NKAIN3: variants seen among roughly 807,000 people sequenced by gnomAD.
NKAIN3 encodes the protein sodium/potassium transporting ATPase interacting 3.
NKAIN3 carries 25 observed loss-of-function variants against 30.2 expected under a neutral mutation model. The observed-to-expected ratio is 0.83, with a 90% confidence interval of 0.60 to 1.16. The LOEUF (loss-of-function observed/expected upper bound fraction) is 1.16. Ranked by LOEUF, NKAIN3 falls within the 50% of genes most tolerant of loss-of-function variation. The pLI, the probability that NKAIN3 is intolerant of heterozygous loss-of-function variation, is 0.00. For synonymous variants in NKAIN3, 91 were observed against 89.6 expected (o/e 1.02, Z -0.09); for missense variants, 225 against 254.1 (o/e 0.89, Z 0.78).
intron 4 of NKAIN3, among the ~76,000 whole-genome samples, chr8:62,747,858 C>G (rs1816133415): frequency 6.6e-6 from 1 of 152,196 alleles, no homozygotes; most frequent in Admixed American, 6.5e-5. Context: ...TCAACCCACT[C>G]TTCACATAAA....
intron 1 of NKAIN3, among the ~76,000 whole-genome samples, chr8:62,514,171 A>G (rs1380966923): frequency 6.6e-6 from 1 of 152,142 alleles, no homozygotes; most frequent in East Asian, 1.9e-4. Flanking sequence ...TTGCAACTAA[A>G]GGCATTATGT....
intron 3 of NKAIN3, among the ~76,000 whole-genome samples, chr8:62,624,784 C>CT (rs776546497): frequency 0.026 from 3,551 of 136,502 alleles, 86 homozygotes; most frequent in African/African-American, 0.063. Context: ...GAACATTCTG[C>CT]TTTTTTTTTT....
At chr8:62,443,659 T>C (rs1009375077) in intron 1 of NKAIN3, among the ~76,000 whole-genome samples, 3 of 152,096 alleles carry the variant, frequency 2.0e-5, no homozygotes, top group Non-Finnish European at 2.9e-5. Flanking sequence ...CTGGGATTTA[T>C]TGGGGTGCGT....
At chr8:62,345,639 GTATATA>G (rs1329366618) in intron 1 of NKAIN3, among the ~76,000 whole-genome samples, 1 of 137,930 alleles carries the variant, frequency 7.3e-6, no homozygotes, top group Admixed American at 7.1e-5. Context: ...ACACATATAT[GTATATA>G]TACACATATA....
chr8:62,439,858 G>T (rs867004764), intron 1 of NKAIN3, among the ~76,000 whole-genome samples: 1 of 152,158 alleles, frequency 6.6e-6, no homozygotes, highest in Non-Finnish European at 1.5e-5. Flanking sequence ...TTGGGAAAGT[G>T]TTGTACTTTA....
At chr8:62,317,564 T>C (rs1254422084) in intron 1 of NKAIN3, among the ~76,000 whole-genome samples, 1 of 152,222 alleles carries the variant, frequency 6.6e-6, no homozygotes, top group African/African-American at 2.4e-5. Context: ...TTTCTCAGGT[T>C]TGTCAAAGAT....
intron 5 of NKAIN3, among the ~76,000 whole-genome samples, chr8:62,996,363 G>A (rs1000539045): frequency 6.0e-5 from 9 of 150,952 alleles, no homozygotes; most frequent in South Asian, 4.2e-4. Context: ...ACAGCATGGC[G>A]AAACCACCTC....
chr8:62,986,835 G>A (rs757871700), downstream of NKAIN3, among the ~76,000 whole-genome samples: 10 of 152,152 alleles, frequency 6.6e-5, no homozygotes, highest in South Asian at 1.9e-3. Flanking sequence ...TCTTGAAATA[G>A]GATAAAGACT....
intron 3 of NKAIN3, among the ~76,000 whole-genome samples, chr8:62,724,982 A>C (rs1225970568): frequency 6.6e-6 from 1 of 151,910 alleles, no homozygotes; most frequent in Non-Finnish European, 1.5e-5. Context: ...GGTTGTGATA[A>C]TTTGCATTTC....
chr8:62,477,345 T>TAA (rs10629947), intron 1 of NKAIN3, among the ~76,000 whole-genome samples: 54,715 of 151,064 alleles, frequency 0.36, 10,418 homozygotes, highest in South Asian at 0.45. Flanking sequence ...GCACTGGCAG[T>TAA]AAAAAAAAAT....
rs1313785091 is a variant in NKAIN3, at chr8:62,968,289, T to A, written c.*2882T>A. ...GCAATTACCCGTTAATCTGGGTAAT[T>A]CCAATGAAGTACTGTCACAGTTACT... On this transcript the variant is annotated 3_prime_UTR_variant, in exon 7 of 7. Coordinates refer to ENST00000623646, the MANE Select transcript of NKAIN3 (RefSeq NM_001304533.3). 2.0e-5 allele frequency among the ~76,000 whole-genome samples: 3 copies of A among 152,192 alleles called. No homozygotes were observed. In the East Asian group the frequency reaches 5.8e-4, roughly 29 times the overall value.
chr8:62,576,550 C>G (rs565225268), intron 1 of NKAIN3, among the ~76,000 whole-genome samples: 1 of 152,064 alleles, frequency 6.6e-6, no homozygotes, highest in Non-Finnish European at 1.5e-5. Context: ...TTTTCTGAAT[C>G]ACAACCACTG....
At chr8:62,501,115 T>C (rs1324460922) in intron 1 of NKAIN3, among the ~76,000 whole-genome samples, 2 of 152,210 alleles carry the variant, frequency 1.3e-5, no homozygotes, top group East Asian at 3.8e-4. Flanking sequence ...GAGCTGTGAA[T>C]TTTGGAAAAG....
chr8:62,370,450 A>T (rs1816872248), intron 1 of NKAIN3, among the ~76,000 whole-genome samples: 1 of 151,982 alleles, frequency 6.6e-6, no homozygotes, highest in Admixed American at 6.6e-5. Context: ...AAAAAGCATT[A>T]AAAAATCAAA....
intron 1 of NKAIN3, among the ~76,000 whole-genome samples, chr8:62,576,310 T>C (rs1430743103): frequency 1.3e-5 from 2 of 152,094 alleles, no homozygotes; most frequent in African/African-American, 2.4e-5. Context: ...AAAAGATGCA[T>C]TTTTCTTTAG....
intron 4 of NKAIN3, among the ~76,000 whole-genome samples, chr8:62,784,935 A>G (rs1310074141): frequency 6.6e-6 from 1 of 152,212 alleles, no homozygotes; most frequent in Non-Finnish European, 1.5e-5. Context: ...TAATTGGGCT[A>G]TGATTTAAAA....
chr8:62,786,125 G>A (rs2130661953), intron 4 of NKAIN3, among the ~76,000 whole-genome samples: 1 of 152,116 alleles, frequency 6.6e-6, no homozygotes, highest in Non-Finnish European at 1.5e-5. Context: ...CCCAACCTCA[G>A]CAAAGGAGTT....
At chr8:62,828,589 T>G (rs1819099676) in intron 4 of NKAIN3, among the ~76,000 whole-genome samples, 1 of 150,628 alleles carries the variant, frequency 6.6e-6, no homozygotes, top group Admixed American at 6.7e-5. Flanking sequence ...CTAAAAAAAT[T>G]TTGACGCTTC....
At chr8:62,999,361 T>C (rs1398885359) in exon 6 of NKAIN3, 1 of 152,186 alleles carries the variant, frequency 6.6e-6, no homozygotes, top group African/African-American at 2.4e-5. Context: ...AGAGACGTCA[T>C]GCTCTTTTAA....
Sources: allele counts gnomAD v4.1 joint callset (sites outside exome capture counted in the v4.1 genomes callset), GRCh38; gene constraint gnomAD v4.1.1; transcripts MANE v1.5; gene names NCBI Gene and HGNC (gene_info 2026-07-23, HGNC 2026-07-21).